CLIP2: variants seen among roughly 807,000 people sequenced by gnomAD.
The protein encoded by CLIP2 is CAP-Gly domain-containing linker protein 2.
A neutral mutation model predicts 111.7 loss-of-function variants in CLIP2; 41 were observed. The observed-to-expected ratio is 0.37, with a 90% CI of 0.29 to 0.48. The LOEUF (loss-of-function observed/expected upper bound fraction) is 0.48. CLIP2 is among the 20% of genes least tolerant of loss of function. The pLI, the probability that CLIP2 is intolerant of heterozygous loss-of-function variation, is 0.99. For synonymous variants in CLIP2, 660 were observed against 644.2 expected (o/e 1.02, Z -0.37); for missense variants, 1,160 against 1,422.1 (o/e 0.82, Z 2.96).
At chr7:74,390,256 A>AG (rs1554315668) in intron 13 of CLIP2, among the ~76,000 whole-genome samples, 3 of 152,104 alleles carry the variant, frequency 2.0e-5, no homozygotes, top group Non-Finnish European at 2.9e-5. Context: ...GTTTGGTCTC[A>AG]GGGACCCCTT....
chr7:74,344,235 G>A (rs474468), intron 3 of CLIP2, among the ~76,000 whole-genome samples: 1 of 151,976 alleles, frequency 6.6e-6, no homozygotes, highest in Non-Finnish European at 1.5e-5. Flanking sequence ...CCCTAGAAGT[G>A]TCTGCTAAGC....
At chr7:74,362,518 TTTTTC>T (rs1790359576) in intron 7 of CLIP2, among the ~76,000 whole-genome samples, 2 of 132,454 alleles carry the variant, frequency 1.5e-5, no homozygotes, top group South Asian at 2.5e-4. Flanking sequence ...TCTTTTTTTC[TTTTTC>T]TTTTCTTTTT....
chr7:74,362,528 CTTTTTTTTTT>C (rs3044338), intron 7 of CLIP2, among the ~76,000 whole-genome samples: 1 of 121,978 alleles, frequency 8.2e-6, no homozygotes, highest in Non-Finnish European at 1.6e-5. Flanking sequence ...TTTTTCTTTT[CTTTTTTTTTT>C]TTTTTTTTGT....
chr7:74,334,795 A>G (rs1215558292), intron 2 of CLIP2, among the ~76,000 whole-genome samples: 5 of 146,382 alleles, frequency 3.4e-5, no homozygotes, highest in African/African-American at 1.0e-4. Context: ...GCCTTACCAC[A>G]TGGCAAAACC....
At chr7:74,391,467 G>A (rs1406548957) in intron 13 of CLIP2, among the ~76,000 whole-genome samples, 1 of 152,142 alleles carries the variant, frequency 6.6e-6, no homozygotes, top group East Asian at 1.9e-4. Flanking sequence ...AGATTCAGTC[G>A]ATAGACATGG....
chr7:74,321,616 C>T (rs1424317826), intron 2 of CLIP2, among the ~76,000 whole-genome samples: 2 of 151,842 alleles, frequency 1.3e-5, no homozygotes, highest in East Asian at 1.9e-4. Flanking sequence ...TTACAGGCGC[C>T]CGCCACCACG....
chr7:74,339,031 G>A, intron 3 of CLIP2, 27 bp downstream of exon 3: 1 of 1,566,666 alleles, frequency 6.4e-7, no homozygotes, highest in South Asian at 1.1e-5. Context: ...CTGGGCTCTG[G>A]GCCCAGCTTC....
intron 1 of CLIP2, among the ~76,000 whole-genome samples, chr7:74,299,040 C>T (rs1788250494): frequency 6.6e-6 from 1 of 151,946 alleles, no homozygotes; most frequent in African/African-American, 2.4e-5. Context: ...AGAAAAAACA[C>T]TGATGTTGAG....
At chr7:74,327,050 T>C (rs1431893279) in intron 2 of CLIP2, among the ~76,000 whole-genome samples, 1 of 152,028 alleles carries the variant, frequency 6.6e-6, no homozygotes, top group East Asian at 1.9e-4. Context: ...CATATATTGC[T>C]GGTGGGAATG....
chr7:74,315,437 G>T (rs1480894592), intron 1 of CLIP2, among the ~76,000 whole-genome samples: 41 of 152,026 alleles, frequency 2.7e-4, no homozygotes, highest in South Asian at 2.1e-4. Context: ...AGAGAACAGG[G>T]TCTCACTATG....
intron 1 of CLIP2, among the ~76,000 whole-genome samples, chr7:74,302,123 G>A (rs533830022): frequency 3.3e-5 from 5 of 152,206 alleles, no homozygotes; most frequent in South Asian, 4.1e-4. Context: ...TCTAGCTCCC[G>A]CGAGACAGAC....
chr7:74,302,125 G>A (rs1330172663), intron 1 of CLIP2, among the ~76,000 whole-genome samples: 2 of 152,146 alleles, frequency 1.3e-5, no homozygotes, highest in Admixed American at 6.6e-5. Context: ...TAGCTCCCGC[G>A]AGACAGACAG....
intron 1 of CLIP2, among the ~76,000 whole-genome samples, chr7:74,313,203 C>T (rs1254979702): frequency 7.3e-5 from 11 of 151,692 alleles, no homozygotes; most frequent in African/African-American, 2.7e-4. Flanking sequence ...GTGGCATGCA[C>T]CTGTGGTCCC....
At chr7:74,368,823 T>A (rs1790526975) in intron 8 of CLIP2, among the ~76,000 whole-genome samples, 1 of 152,198 alleles carries the variant, frequency 6.6e-6, no homozygotes, top group Non-Finnish European at 1.5e-5. Context: ...TCACTCAGCT[T>A]CAACAGTCAT....
At chr7:74,294,688 G>A (rs1026881750) in intron 1 of CLIP2, among the ~76,000 whole-genome samples, 4 of 152,164 alleles carry the variant, frequency 2.6e-5, no homozygotes, top group African/African-American at 9.7e-5. Context: ...CCTTTTGGGG[G>A]TGCTCCAGCC....
chr7:74,309,583 C>T (rs541796646), intron 1 of CLIP2, among the ~76,000 whole-genome samples: 1 of 151,896 alleles, frequency 6.6e-6, no homozygotes, highest in Non-Finnish European at 1.5e-5. Context: ...TCCGGCCGGG[C>T]GTGGTGGCAC....
intron 3 of CLIP2, among the ~76,000 whole-genome samples, chr7:74,347,296 T>C (rs1554306515): frequency 6.6e-6 from 1 of 151,974 alleles, no homozygotes; most frequent in African/African-American, 2.4e-5. Flanking sequence ...TAAGATGGAG[T>C]CTCACTCTGT....
In CLIP2 at chr7:74,349,468, GTGTATATATATATATA is replaced by G. The variant is rs1242150111; in HGVS notation, c.679-4410_679-4395del. Among the ~76,000 whole-genome samples, 337 of 61,782 alleles carry G rather than the reference GTGTATATATATATATA, an allele frequency of 5.5e-3. 8 individuals carry two copies. Among genetic ancestry groups the G allele is most frequent in the African/African-American group, 0.016 (291 of 18,308 alleles). The allele number at this position is 61,782 out of a possible 152,430, so 40.5% of individuals were successfully genotyped here. A position where few individuals can be genotyped will look rare whatever the true frequency, so the allele number is the denominator to read the frequency against. ...AAAAAGTATGTATGTGTGTGTGTGT[GTGTATATATATATATA>G]TATATATATATATATATATATATAT... On this transcript the variant is annotated intron_variant, in intron 3 of 16. Transcript: ENST00000223398.
chr7:74,346,408 G>A (rs1789797091), intron 3 of CLIP2, among the ~76,000 whole-genome samples: 1 of 152,214 alleles, frequency 6.6e-6, no homozygotes, highest in Non-Finnish European at 1.5e-5. Flanking sequence ...CTGCCACTGG[G>A]GCCAGGAACA....
Sources: allele counts gnomAD v4.1 joint callset (sites outside exome capture counted in the v4.1 genomes callset), GRCh38; gene constraint gnomAD v4.1.1; transcripts MANE v1.5; gene names NCBI Gene and HGNC (gene_info 2026-07-23, HGNC 2026-07-21).